The following FNDC1 variants were observed in gnomAD, a reference collection of about 807,000 sequenced individuals.
FNDC1 encodes the protein fibronectin type III domain-containing protein 1.
FNDC1 carries 96 observed loss-of-function variants against 168.0 expected under a neutral mutation model. That is an observed-to-expected ratio of 0.57 (90% confidence interval 0.48 to 0.68). The LOEUF (loss-of-function observed/expected upper bound fraction) is 0.68. Among genes scored for constraint, FNDC1 ranks in the 30% least tolerant of loss-of-function variants. The probability of loss-of-function intolerance (pLI) is 0.00; values close to 1 mark genes in which losing one functional copy is unlikely to be tolerated. For synonymous variants in FNDC1, 1,099 were observed against 1,025.9 expected, an observed-to-expected ratio of 1.07 and a Z score of -1.36; for missense variants, 2,587 against 2,482.1, an observed-to-expected ratio of 1.04 and a Z score of -0.90.
chr6:159,205,041 A>T (rs1057111097), intron 4 of FNDC1, among the ~76,000 whole-genome samples: 3 of 151,928 alleles, frequency 2.0e-5, no homozygotes, highest in Non-Finnish European at 4.4e-5. Flanking sequence ...GGCTGTTGTC[A>T]CCTTCTCTTT....
rs1281244469 is a variant in FNDC1 at position 159,271,537 on chromosome 6, C to T, written c.*95C>T. The T allele has an allele frequency of 1.2e-5, 11 of 902,648 alleles. No homozygotes were observed. Among genetic ancestry groups the T allele is most frequent in the South Asian group, 8.8e-5 (6 of 68,474 alleles). 55.9% of individuals were successfully genotyped at this position (902,648 alleles called of 1,614,324 possible). A position where few individuals can be genotyped will look rare whatever the true frequency, so the allele number is the denominator to read the frequency against. ...GCAAAGACAGCCAGCGTGCTCAGCC[C>T]CGCTGCCCTAGGTGCCAGGAAGGTC... On this transcript the variant is annotated 3_prime_UTR_variant, in exon 23 of 23. Transcript: ENST00000297267.
At chr6:159,202,143 TA>T (rs1175912907) in intron 4 of FNDC1, among the ~76,000 whole-genome samples, 1 of 152,164 alleles carries the variant, frequency 6.6e-6, no homozygotes, top group African/African-American at 2.4e-5. Context: ...TCATTTGTCA[TA>T]CATGGTGATT....
At chr6:159,225,460 A>G in intron 7 of FNDC1, 75 bp from the exon 8 acceptor site, 1 of 1,216,876 alleles carries the variant, frequency 8.2e-7, no homozygotes, top group African/African-American at 1.5e-5. Flanking sequence ...ACTTATGAGG[A>G]AGGAAAAACA....
chr6:159,188,369 CTTTTTTTTTT>C (rs61551779), intron 1 of FNDC1, among the ~76,000 whole-genome samples: 56,901 of 128,838 alleles, frequency 0.44, 12,902 homozygotes, highest in East Asian at 0.65. Flanking sequence ...CAATTTCTTT[CTTTTTTTTTT>C]TTTTTTTTTT....
At chr6:159,196,145 G>A (rs913402838) in intron 1 of FNDC1, among the ~76,000 whole-genome samples, 3 of 152,178 alleles carry the variant, frequency 2.0e-5, no homozygotes, top group African/African-American at 4.8e-5. Flanking sequence ...TTCCCAAAGA[G>A]CATGAGCCTA....
intron 20 of FNDC1, 139 bp downstream of exon 20, chr6:159,265,143 T>G (rs746746705): frequency 8.7e-6 from 6 of 686,256 alleles, no homozygotes; most frequent in African/African-American, 1.8e-5. Context: ...TTCCTTGCAC[T>G]CGTCATCCTG....
intron 11 of FNDC1, among the ~76,000 whole-genome samples, 198 bp from the exon 12 acceptor site, chr6:159,236,013 CTTAA>C (rs1783246955): frequency 6.6e-6 from 1 of 152,186 alleles, no homozygotes; most frequent in South Asian, 2.1e-4. Context: ...TTACTGTATT[CTTAA>C]TTGACATTCA....
At chr6:159,208,643 C>G (rs534356113) in intron 4 of FNDC1, among the ~76,000 whole-genome samples, 1 of 152,118 alleles carries the variant, frequency 6.6e-6, no homozygotes, top group Non-Finnish European at 1.5e-5. Context: ...AGGATCAATA[C>G]CAAAGTCAGC....
intron 17 of FNDC1, among the ~76,000 whole-genome samples, chr6:159,255,095 C>G (rs1444628717): frequency 6.6e-6 from 1 of 152,190 alleles, no homozygotes; most frequent in Non-Finnish European, 1.5e-5. Flanking sequence ...AATATGCAGA[C>G]CTAATTGTAT....
intron 7 of FNDC1, among the ~76,000 whole-genome samples, chr6:159,225,049 G>A (rs190284548): frequency 7.2e-5 from 11 of 152,144 alleles, no homozygotes; most frequent in African/African-American, 2.6e-4. Flanking sequence ...ACATGTTCCC[G>A]TTCCTCCTGA....
intron 1 of FNDC1, among the ~76,000 whole-genome samples, chr6:159,182,514 T>C (rs1446105194): frequency 1.3e-5 from 2 of 152,202 alleles, no homozygotes; most frequent in East Asian, 3.9e-4. Context: ...TATCCTAGCT[T>C]TGGGAGGACT....
At chr6:159,205,375 C>A (rs149584363) in intron 4 of FNDC1, among the ~76,000 whole-genome samples, 1 of 152,308 alleles carries the variant, frequency 6.6e-6, no homozygotes, top group Non-Finnish European at 1.5e-5. Context: ...TATGATCTTG[C>A]TGGTTTATTT....
At chr6:159,240,479 T>C (rs1204237656) in intron 14 of FNDC1, among the ~76,000 whole-genome samples, 1 of 152,210 alleles carries the variant, frequency 6.6e-6, no homozygotes, top group Non-Finnish European at 1.5e-5. Flanking sequence ...AGAAAAGGAA[T>C]GTTTCCCTAG....
intron 22 of FNDC1, among the ~76,000 whole-genome samples, chr6:159,268,785 T>C (rs1182271171): frequency 6.6e-6 from 1 of 151,742 alleles, no homozygotes; most frequent in East Asian, 1.9e-4. Flanking sequence ...CACATCTACT[T>C]ATGTATGTGT....
At chr6:159,217,928 G>C (rs1782739246) in intron 5 of FNDC1, among the ~76,000 whole-genome samples, 1 of 152,252 alleles carries the variant, frequency 6.6e-6, no homozygotes, top group South Asian at 2.1e-4. Context: ...TGAAGCCACA[G>C]AGTAATTTGT....
chr6:159,245,716 A>G (rs1269035731), intron 14 of FNDC1, among the ~76,000 whole-genome samples: 2 of 152,064 alleles, frequency 1.3e-5, no homozygotes, highest in South Asian at 2.1e-4. Flanking sequence ...ACTTATGCTC[A>G]TAATATCAGT....
At chr6:159,245,167 A>G (rs932354422) in intron 14 of FNDC1, among the ~76,000 whole-genome samples, 4 of 152,128 alleles carry the variant, frequency 2.6e-5, no homozygotes, top group African/African-American at 9.7e-5. Context: ...CCCATAATCC[A>G]ATCACTTTCC....
intron 9 of FNDC1, among the ~76,000 whole-genome samples, chr6:159,228,544 CG>C (rs1021414157): frequency 8.6e-5 from 13 of 151,000 alleles, no homozygotes; most frequent in African/African-American, 2.4e-4. Context: ...TTGGTTGAAA[CG>C]TTTTTTTTTT....
rs1229920086 is a variant in FNDC1 at position 159,200,582 on chromosome 6, G to A, written c.460+1G>A. 4 of 1,586,520 alleles carry A rather than the reference G, an allele frequency of 2.5e-6. No homozygotes were observed. The highest frequency in any genetic ancestry group is 3.4e-6 in the Non-Finnish European group (4 of 1,164,578). On this transcript the variant is annotated splice_donor_variant, in intron 4 of 22. Coordinates refer to ENST00000297267, the MANE Select transcript of FNDC1 (RefSeq NM_032532.3). LOFTEE classifies it high-confidence loss of function. The stretch of plus-strand genomic sequence containing the variant: ...GGACCATTTAATGAAACCGTCACAG[G>A]TACTACTTCCTCCTTCATGTCAGAT...
Sources: allele counts gnomAD v4.1 joint callset (sites outside exome capture counted in the v4.1 genomes callset), GRCh38; gene constraint gnomAD v4.1.1; transcripts MANE v1.5; gene names NCBI Gene and HGNC (gene_info 2026-07-23, HGNC 2026-07-21).